Variants in ATP9B observed in about 807,000 individuals in gnomAD.
ATP9B encodes ATPase phospholipid transporting 9B.
A neutral mutation model predicts 146.1 loss-of-function variants in ATP9B; 110 were observed. That is an observed-to-expected ratio of 0.75 (90% CI 0.65 to 0.88). The LOEUF is 0.88. ATP9B is among the 40% of genes least tolerant of loss of function. The probability of loss-of-function intolerance (pLI) is 0.00; values close to 1 mark genes in which losing one functional copy is unlikely to be tolerated. For synonymous variants in ATP9B, 604 were observed against 569.7 expected (o/e 1.06, Z -0.86); for missense variants, 1,499 against 1,496.4 (o/e 1.00, Z -0.03).
chr18:79,126,932 C>G lies in ATP9B; in HGVS notation c.667+557C>G, dbSNP rs537899016. ...TTATTTGATTTTTCAGTCCATAGTA[C>G]AAAAGGAAGCAATGTATTAAGAAGA... On this transcript the variant is annotated intron_variant, in intron 5 of 29. Coordinates refer to ENST00000426216, the MANE Select transcript of ATP9B (RefSeq NM_198531.5). Among the ~76,000 whole-genome samples the G allele has an allele frequency of 2.0e-5, 3 of 152,028 alleles. No homozygotes were observed. The South Asian group carries it at 6.2e-4, about 32-fold the overall frequency.
intron 13 of ATP9B, among the ~76,000 whole-genome samples, chr18:79,278,186 G>T (rs942910344): frequency 6.6e-6 from 1 of 152,186 alleles, no homozygotes; most frequent in African/African-American, 2.4e-5. Context: ...CAGCAGCTGC[G>T]TCCATAGAAG....
At chr18:79,076,448 T>C (rs1228857886) in intron 1 of ATP9B, among the ~76,000 whole-genome samples, 2 of 152,252 alleles carry the variant, frequency 1.3e-5, no homozygotes, top group East Asian at 3.8e-4. Flanking sequence ...GACAGTTCTT[T>C]TCTTTCAGAA....
At position 79,328,207 on chromosome 18, in the gene ATP9B, A is replaced by G. The variant is rs111788459; in HGVS notation, c.1774-934A>G. Among the ~76,000 whole-genome samples, 576 of 150,214 alleles carry G rather than the reference A, an allele frequency of 3.8e-3. 5 individuals are homozygous for G. The highest frequency in any genetic ancestry group is 0.013 in the African/African-American group (531 of 40,402). On this transcript the variant is annotated intron_variant, in intron 15 of 29. Coordinates refer to ENST00000426216, the MANE Select transcript of ATP9B (RefSeq NM_198531.5). ...GGTTAGTGTGTTCTCCGTGGTTAGC[A>G]TGTTCCCCATGGTTAGTGTGCCTTT...
intron 25 of ATP9B, chr18:79,353,923 TAAAG>T (rs1468350791): frequency 6.6e-6 from 1 of 152,172 alleles, no homozygotes; most frequent in Non-Finnish European, 1.5e-5. Context: ...TTTAACGTAA[TAAAG>T]AAATTAAAGA....
At chr18:79,361,776 T>C in intron 26 of ATP9B, 1 of 985,476 alleles carries the variant, frequency 1.0e-6, no homozygotes, top group Non-Finnish European at 1.2e-6. Context: ...CTCTGCGTTG[T>C]TGTCTGATGA....
intron 1 of ATP9B, among the ~76,000 whole-genome samples, chr18:79,077,580 T>C (rs1249655242): frequency 1.3e-5 from 2 of 152,308 alleles, no homozygotes; most frequent in African/African-American, 4.8e-5. Flanking sequence ...TTAAATACAA[T>C]GTACCAGAGG....
chr18:79,291,635 A>G (rs1358678760), intron 13 of ATP9B, among the ~76,000 whole-genome samples: 2 of 152,240 alleles, frequency 1.3e-5, no homozygotes, highest in Non-Finnish European at 1.5e-5. Context: ...GTGTGATTGC[A>G]TTTATTCACA....
rs1296820493 is a variant in ATP9B at position 79,096,478 on chromosome 18, A to G, written c.122A>G (p.Tyr41Cys). 1.3e-6 allele frequency: 2 copies of G among 1,503,648 alleles called. No individual in the cohort carries two copies. Among genetic ancestry groups the G allele is most frequent in the Non-Finnish European group, 1.8e-6 (2 of 1,087,342 alleles). The allele number at this position is 1,503,648 out of a possible 1,614,324, so 93.1% of individuals were successfully genotyped here. Residue 41 changes from tyrosine to cysteine, a missense_variant and splice_region_variant, in exon 2 of 30, where the codon TAC (tyrosine) becomes TGC (cysteine). By Grantham distance (194) the Tyr-to-Cys change is radical. Coordinates refer to ENST00000426216, the MANE Select transcript of ATP9B (RefSeq NM_198531.5). ...PRPGADRHSR[Y>C]QLEDESAHLD... ...CACTCCATTTTTACCCTAACTAGGT[A>G]CCAGCTGGAGGATGAGTCTGCGCAT...
chr18:79,375,005 G>A (rs970642164), intron 28 of ATP9B, among the ~76,000 whole-genome samples: 1 of 152,178 alleles, frequency 6.6e-6, no homozygotes, highest in East Asian at 1.9e-4. Context: ...ATTAGGGGCG[G>A]GTCTGAAGAT....
intron 1 of ATP9B, among the ~76,000 whole-genome samples, chr18:79,080,769 G>A (rs1286530421): frequency 2.0e-5 from 3 of 152,100 alleles, no homozygotes; most frequent in Admixed American, 6.6e-5. Context: ...GTCATAAATA[G>A]CTCTTATTAT....
chr18:79,313,313 GTCT>G (rs546433746), intron 15 of ATP9B, among the ~76,000 whole-genome samples: 20 of 152,214 alleles, frequency 1.3e-4, no homozygotes, highest in South Asian at 4.1e-4. Context: ...ATCAGTTGCT[GTCT>G]TCTTAGCATT....
Position 79,110,138 on chromosome 18 carries a change from CT to C in ATP9B, c.294-216del, listed in dbSNP as rs545132161. ...GTGTCTAAACAGAAAGATAATTCCCCTGGGGTACATTTATATAAGACTTTGT... is the reference window on the plus strand; with the variant it reads ...GTGTCTAAACAGAAAGATAATTCCCCGGGGTACATTTATATAAGACTTTGT... On this transcript the variant is annotated intron_variant, in intron 2 of 29. Transcript: ENST00000426216. 2.7e-3 allele frequency among the ~76,000 whole-genome samples: 410 copies of C among 152,206 alleles called. 6 individuals are homozygous for C. Among genetic ancestry groups the C allele is most frequent in the Middle Eastern group, 0.014 (4 of 294 alleles).
chr18:79,205,551 G>A (rs1442893575), intron 9 of ATP9B, among the ~76,000 whole-genome samples: 2 of 151,972 alleles, frequency 1.3e-5, no homozygotes, highest in Non-Finnish European at 2.9e-5. Context: ...TTTGTGGAGG[G>A]GGCATTATTT....
intron 8 of ATP9B, among the ~76,000 whole-genome samples, chr18:79,178,235 C>T (rs1386256374): frequency 6.6e-6 from 1 of 152,200 alleles, no homozygotes; most frequent in Non-Finnish European, 1.5e-5. Context: ...GTGGCTGTGC[C>T]ATTCCCTGTC....
intron 12 of ATP9B, among the ~76,000 whole-genome samples, chr18:79,264,622 A>G (rs956998512): frequency 3.3e-5 from 5 of 149,448 alleles, no homozygotes; most frequent in African/African-American, 1.2e-4. Context: ...CTCTTACATT[A>G]TCTTCTAGAA....
chr18:79,323,007 C>G (rs1259730225), intron 15 of ATP9B, among the ~76,000 whole-genome samples: 2 of 152,198 alleles, frequency 1.3e-5, no homozygotes, highest in Non-Finnish European at 2.9e-5. Flanking sequence ...TTATGGGGTA[C>G]ATGTGATATT....
At chr18:79,273,098 C>T (rs984433530) in intron 12 of ATP9B, among the ~76,000 whole-genome samples, 5 of 152,206 alleles carry the variant, frequency 3.3e-5, no homozygotes, top group Admixed American at 6.5e-5. Flanking sequence ...AAACTTTCCA[C>T]GCTGAGGAAG....
intron 13 of ATP9B, among the ~76,000 whole-genome samples, chr18:79,278,938 A>G (rs1357045117): frequency 6.6e-6 from 1 of 152,204 alleles, no homozygotes; most frequent in African/African-American, 2.4e-5. Context: ...AACAGTTGGA[A>G]TCAGTTTGCA....
At chr18:79,320,705 C>G (rs1043467455) in intron 15 of ATP9B, among the ~76,000 whole-genome samples, 1 of 152,172 alleles carries the variant, frequency 6.6e-6, no homozygotes, top group East Asian at 1.9e-4. Flanking sequence ...TCCCACCCCC[C>G]TCCAGCCCTC....
Sources: allele counts gnomAD v4.1 joint callset (sites outside exome capture counted in the v4.1 genomes callset), GRCh38; gene constraint gnomAD v4.1.1; transcripts MANE v1.5; gene names NCBI Gene and HGNC (gene_info 2026-07-23, HGNC 2026-07-21).